Variants in C8orf34 observed in about 807,000 individuals in gnomAD.
The protein encoded by C8orf34 is uncharacterized protein C8orf34.
Under a neutral mutation model 68.3 loss-of-function variants are expected in C8orf34, and 65 were observed. The ratio of observed to expected loss-of-function variants is 0.95; its 90% CI spans 0.78 to 1.17. C8orf34 has a LOEUF of 1.17. C8orf34 is among the 50% of genes most tolerant of loss of function. The probability of loss-of-function intolerance (pLI) is 0.00; values close to 1 mark genes in which losing one functional copy is unlikely to be tolerated. For missense variants in C8orf34, 664 were observed against 655.4 expected (o/e 1.01, Z -0.14); for synonymous variants, 244 against 241.2 (o/e 1.01, Z -0.11).
chr8:68,693,855 G>T (rs1211906393), intron 8 of C8orf34, among the ~76,000 whole-genome samples: 3 of 152,038 alleles, frequency 2.0e-5, no homozygotes, highest in African/African-American at 7.2e-5. Flanking sequence ...GTAAGCCCTG[G>T]ATGTGTTGCA....
intron 1 of C8orf34, among the ~76,000 whole-genome samples, chr8:68,405,573 C>T (rs1809157670): frequency 6.6e-6 from 1 of 152,122 alleles, no homozygotes; most frequent in Non-Finnish European, 1.5e-5. Flanking sequence ...AGGGAGTATC[C>T]ACTTATGTCT....
intron 1 of C8orf34, among the ~76,000 whole-genome samples, chr8:68,415,380 T>C (rs1457028973): frequency 6.6e-6 from 1 of 152,010 alleles, no homozygotes; most frequent in African/African-American, 2.4e-5. Context: ...CTCAGCAGGC[T>C]GAGGCAGGAG....
chr8:68,383,038 C>T (rs1808110242), intron 1 of C8orf34, among the ~76,000 whole-genome samples: 1 of 152,038 alleles, frequency 6.6e-6, no homozygotes, highest in Non-Finnish European at 1.5e-5. Context: ...ATTGAGTCTG[C>T]ATATCTAGGA....
chr8:68,748,271 A>C lies in C8orf34; in HGVS notation c.1404+26834A>C, dbSNP rs1822574031. On this transcript the variant is annotated intron_variant, in intron 10 of 13. Coordinates refer to ENST00000518698, the MANE Select transcript of C8orf34 (RefSeq NM_052958.4). ...TAAAGATTTAAACATTAGACCTAAA[A>C]CCATAAAAACCCTAGAAGAAAACCT... Among the ~76,000 whole-genome samples the C allele has an allele frequency of 2.1e-5, 3 of 142,402 alleles. No homozygotes were observed. The South Asian group carries it at 6.7e-4, about 32-fold the overall frequency. 93.4% of individuals were successfully genotyped at this position (142,402 alleles called of 152,430 possible). A position where few individuals can be genotyped will look rare whatever the true frequency, so the allele number is the denominator to read the frequency against.
At chr8:68,667,560 C>T (rs1055566063) in intron 8 of C8orf34, among the ~76,000 whole-genome samples, 3 of 152,132 alleles carry the variant, frequency 2.0e-5, no homozygotes, top group Admixed American at 6.6e-5. Flanking sequence ...GTGGTGCTAA[C>T]TCAGGGCAAC....
At chr8:68,806,321 T>TA (rs937427288) in intron 12 of C8orf34, among the ~76,000 whole-genome samples, 22 of 151,352 alleles carry the variant, frequency 1.5e-4, no homozygotes, top group Non-Finnish European at 2.1e-4. Flanking sequence ...TCTGCCTAAA[T>TA]AAAAAAAAAG....
chr8:68,711,706 A>C (rs1821333706), intron 9 of C8orf34, among the ~76,000 whole-genome samples: 1 of 152,190 alleles, frequency 6.6e-6, no homozygotes, highest in Non-Finnish European at 1.5e-5. Context: ...TCCAAACCTA[A>C]GAATAGTTGG....
At chr8:68,642,098 AAC>A (rs890179727) in intron 8 of C8orf34, among the ~76,000 whole-genome samples, 56 of 152,336 alleles carry the variant, frequency 3.7e-4, no homozygotes, top group Non-Finnish European at 1.3e-4. Context: ...TAGGTAGAAA[AAC>A]ACAGTTTGAA....
At position 68,455,290 on chromosome 8, in the gene C8orf34, T is replaced by C. The variant is rs144947966; in HGVS notation, c.607+8830T>C. 2.1e-3 allele frequency among the ~76,000 whole-genome samples: 326 copies of C among 152,286 alleles called. 1 individual carries two copies. The highest frequency in any genetic ancestry group is 7.0e-3 in the African/African-American group (293 of 41,576). ...CAGTGTTGTTCAAGTCCTTCATGTC[T>C]TTATTGGTCTTCCTTCTATTTGCTC... On this transcript the variant is annotated intron_variant, in intron 3 of 13. Transcript: ENST00000518698.
chr8:68,471,780 T>A (rs1268994157), intron 4 of C8orf34, among the ~76,000 whole-genome samples: 2 of 152,132 alleles, frequency 1.3e-5, no homozygotes, highest in Non-Finnish European at 2.9e-5. Flanking sequence ...GAATTCACTT[T>A]ATCTTGGTTG....
chr8:68,625,261 T>A (rs1818505852), intron 7 of C8orf34, among the ~76,000 whole-genome samples: 1 of 152,208 alleles, frequency 6.6e-6, no homozygotes, highest in Non-Finnish European at 1.5e-5. Flanking sequence ...AGGCTAGGGC[T>A]GCTGGATAAA....
At chr8:68,494,936 AT>A (rs1238452628) in intron 5 of C8orf34, among the ~76,000 whole-genome samples, 2 of 151,094 alleles carry the variant, frequency 1.3e-5, no homozygotes, top group Non-Finnish European at 2.9e-5. Flanking sequence ...AAATATATAT[AT>A]ATTTGTGTGC....
intron 3 of C8orf34, among the ~76,000 whole-genome samples, chr8:68,462,965 GACACAGAA>G (rs1485810490): frequency 1.4e-4 from 21 of 152,170 alleles, no homozygotes; most frequent in Non-Finnish European, 2.6e-4. Context: ...AGGAAATAGA[GACACAGAA>G]AACCCTTCAA....
intron 5 of C8orf34, among the ~76,000 whole-genome samples, chr8:68,512,284 A>G (rs1307496693): frequency 6.6e-6 from 1 of 152,230 alleles, no homozygotes; most frequent in African/African-American, 2.4e-5. Context: ...CAATTTTGGA[A>G]CATACATTAG....
intron 10 of C8orf34, among the ~76,000 whole-genome samples, chr8:68,744,245 A>C (rs1290191967): frequency 4.5e-4 from 68 of 151,012 alleles, no homozygotes; most frequent in African/African-American, 1.6e-3. Context: ...CATCACCATC[A>C]TCAAAGACCA....
intron 6 of C8orf34, chr8:68,525,699 T>G: frequency 1.5e-6 from 1 of 658,524 alleles, no homozygotes. Flanking sequence ...ACTCCATATT[T>G]GTTTAGCCTG....
intron 1 of C8orf34, among the ~76,000 whole-genome samples, chr8:68,360,457 A>T (rs749631402): frequency 1.3e-4 from 20 of 152,242 alleles, no homozygotes; most frequent in Non-Finnish European, 2.5e-4. Context: ...TGCAGAGTTC[A>T]TGTAAATTTT....
intron 7 of C8orf34, among the ~76,000 whole-genome samples, chr8:68,634,859 A>T (rs767416422): frequency 1.6e-4 from 24 of 152,172 alleles, no homozygotes; most frequent in Admixed American, 5.2e-4. Context: ...GCAGGAGCCA[A>T]TTTCACTGCC....
chr8:68,811,380 A>G (rs146396120), intron 12 of C8orf34, among the ~76,000 whole-genome samples: 12 of 152,338 alleles, frequency 7.9e-5, no homozygotes, highest in Non-Finnish European at 1.6e-4. Context: ...CAAGAGCACA[A>G]GGATGCCTGG....
Sources: gnomAD v4.1 joint callset for allele counts (sites outside exome capture counted in the v4.1 genomes callset) on GRCh38, gnomAD v4.1.1 for gene constraint, MANE v1.5 for transcripts, NCBI Gene and HGNC (gene_info 2026-07-23, HGNC 2026-07-21) for gene names.